Variants in NCKAP5 observed in about 807,000 individuals in gnomAD.
NCKAP5 encodes NCK associated protein 5, also known as nck-associated protein 5.
In NCKAP5, 92 loss-of-function variants were observed where a neutral mutation model predicts 167.0. The ratio of observed to expected loss-of-function variants is 0.55; its 90% CI spans 0.47 to 0.66. The LOEUF (loss-of-function observed/expected upper bound fraction) is 0.66. Ranked by LOEUF, NCKAP5 falls within the 30% of genes least tolerant of loss-of-function variation. The pLI is 0.00. For missense variants in NCKAP5, 2,378 were observed against 2,315.0 expected (o/e 1.03, Z -0.56); for synonymous variants, 891 against 877.4 (o/e 1.02, Z -0.27).
chr2:133,336,503 T>G (rs980805626), intron 3 of NCKAP5, among the ~76,000 whole-genome samples: 1 of 152,190 alleles, frequency 6.6e-6, no homozygotes, highest in African/African-American at 2.4e-5. Flanking sequence ...CAAAAGAAAG[T>G]TAATGCCTTC....
intron 6 of NCKAP5, among the ~76,000 whole-genome samples, chr2:133,106,292 CAA>C (rs10612612): frequency 0.11 from 8,081 of 75,842 alleles, 269 homozygotes; most frequent in East Asian, 0.19. Context: ...GACTCCGTCT[CAA>C]AAAAAAAAAA....
chr2:133,140,658 T>C (rs1418065183), intron 5 of NCKAP5, among the ~76,000 whole-genome samples: 2 of 151,974 alleles, frequency 1.3e-5, no homozygotes, highest in African/African-American at 4.8e-5. Flanking sequence ...TCTTGCTTTA[T>C]AACTTAGCTT....
At chr2:132,946,142 A>G (rs548552644) in intron 8 of NCKAP5, among the ~76,000 whole-genome samples, 1 of 152,318 alleles carries the variant, frequency 6.6e-6, no homozygotes, top group South Asian at 2.1e-4. Flanking sequence ...TCAGAATCAG[A>G]AAGGAGGGGA....
At chr2:133,537,953 A>T (rs1324377809) in intron 2 of NCKAP5, among the ~76,000 whole-genome samples, 1 of 152,202 alleles carries the variant, frequency 6.6e-6, no homozygotes, top group African/African-American at 2.4e-5. Context: ...CTCCATCAAC[A>T]AGCAAACTGC....
intron 3 of NCKAP5, among the ~76,000 whole-genome samples, chr2:133,456,054 C>T (rs1691838017): frequency 6.6e-6 from 1 of 152,136 alleles, no homozygotes; most frequent in African/African-American, 2.4e-5. Flanking sequence ...ATTCTCTGCA[C>T]ATTTGTTGTT....
intron 3 of NCKAP5, among the ~76,000 whole-genome samples, chr2:133,436,816 C>T (rs889512386): frequency 3.3e-5 from 5 of 152,118 alleles, no homozygotes; most frequent in East Asian, 1.9e-4. Flanking sequence ...GGTGCCTACA[C>T]CTGGATGCCC....
intron 2 of NCKAP5, among the ~76,000 whole-genome samples, chr2:133,520,662 C>T (rs556405687): frequency 6.6e-6 from 1 of 152,306 alleles, no homozygotes; most frequent in Admixed American, 6.5e-5. Flanking sequence ...ATGAGGCTGT[C>T]ATTTTGGGAA....
chr2:133,483,944 G>C (rs1176263277), intron 3 of NCKAP5, among the ~76,000 whole-genome samples: 2 of 152,136 alleles, frequency 1.3e-5, no homozygotes, highest in Non-Finnish European at 2.9e-5. Context: ...TATCTAAGCA[G>C]TTAACATTTT....
chr2:133,600,366 GA>G, the NCKAP5 span, among the ~76,000 whole-genome samples: 2 of 152,054 alleles, frequency 1.3e-5, no homozygotes, highest in African/African-American at 4.8e-5. Context: ...GGGACAGGAA[GA>G]AAGAGAGAGA....
chr2:132,826,299 T>G (rs1436696896), intron 11 of NCKAP5, among the ~76,000 whole-genome samples: 1 of 152,242 alleles, frequency 6.6e-6, no homozygotes, highest in Non-Finnish European at 1.5e-5. Flanking sequence ...CATAAACCCT[T>G]TAAATCTTTG....
intron 3 of NCKAP5, among the ~76,000 whole-genome samples, chr2:133,468,260 C>T (rs1332655601): frequency 1.4e-5 from 2 of 140,328 alleles, no homozygotes; most frequent in African/African-American, 2.7e-5. Flanking sequence ...GCCTTCATTT[C>T]GTTATGTACC....
intron 3 of NCKAP5, among the ~76,000 whole-genome samples, chr2:133,481,838 T>C (rs1680474242): frequency 1.3e-5 from 2 of 152,200 alleles, no homozygotes; most frequent in Admixed American, 6.5e-5. Flanking sequence ...CTATCAATGA[T>C]GGTCATTTAG....
chr2:133,454,160 T>C (rs1691710964), intron 3 of NCKAP5, among the ~76,000 whole-genome samples: 1 of 152,034 alleles, frequency 6.6e-6, no homozygotes, highest in African/African-American at 2.4e-5. Flanking sequence ...TTCTTCTAAG[T>C]AGCTTTTAAA....
intron 3 of NCKAP5, among the ~76,000 whole-genome samples, chr2:133,361,959 T>C (rs1485576844): frequency 2.0e-5 from 3 of 151,508 alleles, no homozygotes; most frequent in Non-Finnish European, 4.4e-5. Context: ...GAGTGTATGG[T>C]AAGAAGAAAA....
At chr2:133,309,684 G>A (rs760023261) in intron 3 of NCKAP5, among the ~76,000 whole-genome samples, 5 of 152,132 alleles carry the variant, frequency 3.3e-5, no homozygotes, top group Non-Finnish European at 7.3e-5. Context: ...GTGATTAGAG[G>A]TTTATAGATA....
chr2:133,471,686 C>G (rs1679337868), intron 3 of NCKAP5, among the ~76,000 whole-genome samples: 2 of 152,166 alleles, frequency 1.3e-5, no homozygotes, highest in South Asian at 4.1e-4. Context: ...TCCTCCCAGG[C>G]TTTATCATCA....
intron 6 of NCKAP5, among the ~76,000 whole-genome samples, chr2:133,043,225 G>T (rs186046764): frequency 1.3e-5 from 2 of 152,158 alleles, no homozygotes; most frequent in Non-Finnish European, 2.9e-5. Context: ...ATTTAGAAGA[G>T]TTTAAAAATA....
chr2:132,719,130 G>T (rs1386954649), intron 19 of NCKAP5, among the ~76,000 whole-genome samples: 1 of 152,156 alleles, frequency 6.6e-6, no homozygotes, highest in Non-Finnish European at 1.5e-5. Context: ...GCCTCCAACA[G>T]CATTGTGTGT....
chr2:132,920,723 A>G (rs1425326376), intron 8 of NCKAP5, among the ~76,000 whole-genome samples: 5 of 116,456 alleles, frequency 4.3e-5, no homozygotes, highest in Non-Finnish European at 6.6e-5. Context: ...ATATATGTAT[A>G]TATATATATG....
Sources: gnomAD v4.1 joint callset for allele counts (sites outside exome capture counted in the v4.1 genomes callset) on GRCh38, gnomAD v4.1.1 for gene constraint, MANE v1.5 for transcripts, NCBI Gene and HGNC (gene_info 2026-07-23, HGNC 2026-07-21) for gene names.